Variants in LINGO2 observed in about 807,000 individuals in gnomAD.
LINGO2 encodes the protein leucine rich repeat and Ig domain containing 2, also known as leucine-rich repeat and immunoglobulin-like domain-containing nogo receptor-interacting protein 2.
LINGO2 carries 14 observed loss-of-function variants against 30.6 expected under a neutral mutation model. The observed-to-expected ratio is 0.46, with a 90% CI of 0.30 to 0.72. LINGO2 has a LOEUF of 0.72. LINGO2 is among the 30% of genes least tolerant of loss of function. The pLI is 0.07. For missense variants in LINGO2, 729 were observed against 751.7 expected, an observed-to-expected ratio of 0.97 and a Z score of 0.35; for synonymous variants, 317 against 288.5, an observed-to-expected ratio of 1.10 and a Z score of -1.00.
At chr9:28,962,411 C>T in the LINGO2 span, among the ~76,000 whole-genome samples, 1 of 152,070 alleles carries the variant, frequency 6.6e-6, no homozygotes, top group African/African-American at 2.4e-5. Flanking sequence ...ATTTTTATAT[C>T]AAACTTAGTT....
intron 4 of LINGO2, among the ~76,000 whole-genome samples, chr9:28,294,140 A>G (rs186385787): frequency 2.2e-4 from 34 of 152,362 alleles, no homozygotes; most frequent in South Asian, 4.1e-4. Flanking sequence ...TCATTAGGGA[A>G]TTGAAAGTTA....
intron 4 of LINGO2, among the ~76,000 whole-genome samples, chr9:28,198,255 A>AG (rs937184808): frequency 1.3e-5 from 2 of 151,984 alleles, no homozygotes; most frequent in Admixed American, 1.3e-4. Context: ...ATATGAAAAA[A>AG]AAAAACAAAC....
At chr9:28,763,766 AC>A in the LINGO2 span, among the ~76,000 whole-genome samples, 1 of 151,668 alleles carries the variant, frequency 6.6e-6, no homozygotes, top group Non-Finnish European at 1.5e-5. Context: ...AAACTGCCAA[AC>A]CCTTAACTAG....
At chr9:27,969,021 T>G (rs1400857738) in intron 5 of LINGO2, among the ~76,000 whole-genome samples, 2 of 151,934 alleles carry the variant, frequency 1.3e-5, no homozygotes, top group African/African-American at 4.8e-5. Flanking sequence ...ACATTAATAT[T>G]TACATTAATA....
chr9:27,981,071 T>C (rs1820830846), intron 5 of LINGO2, among the ~76,000 whole-genome samples: 1 of 151,844 alleles, frequency 6.6e-6, no homozygotes, highest in Non-Finnish European at 1.5e-5. Flanking sequence ...AGTATGTATT[T>C]GTACTCAACA....
intron 1 of LINGO2, among the ~76,000 whole-genome samples, chr9:28,539,809 C>A (rs990621691): frequency 5.3e-5 from 8 of 152,144 alleles, no homozygotes; most frequent in African/African-American, 1.9e-4. Flanking sequence ...GTCTCCTCCA[C>A]ATTCTTCAGT....
the LINGO2 span, among the ~76,000 whole-genome samples, chr9:29,205,589 A>G: frequency 6.6e-6 from 1 of 152,062 alleles, no homozygotes; most frequent in Non-Finnish European, 1.5e-5. Flanking sequence ...TCCCTCCTCT[A>G]CAGTTTCCTG....
intron 4 of LINGO2, among the ~76,000 whole-genome samples, chr9:28,092,091 G>A (rs915024975): frequency 4.0e-4 from 61 of 152,258 alleles, no homozygotes; most frequent in Admixed American, 5.9e-4. Flanking sequence ...CTTTTACACC[G>A]TTGGTGGGAC....
chr9:28,094,656 C>CT, intron 4 of LINGO2, among the ~76,000 whole-genome samples: 1 of 152,116 alleles, frequency 6.6e-6, no homozygotes, highest in African/African-American at 2.4e-5. Flanking sequence ...TGAACATAGA[C>CT]TTTTTTTCCA....
At chr9:28,997,925 C>T in the LINGO2 span, among the ~76,000 whole-genome samples, 12 of 152,164 alleles carry the variant, frequency 7.9e-5, no homozygotes, top group African/African-American at 2.7e-4. Flanking sequence ...GTGTGCTTCA[C>T]AAATGTTAAC....
At chr9:28,921,147 G>C in the LINGO2 span, among the ~76,000 whole-genome samples, 2 of 152,136 alleles carry the variant, frequency 1.3e-5, no homozygotes, top group Non-Finnish European at 2.9e-5. Context: ...ATTGGACATA[G>C]TGAGAAAAAA....
the LINGO2 span, among the ~76,000 whole-genome samples, chr9:29,037,639 A>C: frequency 6.6e-6 from 1 of 151,944 alleles, no homozygotes; most frequent in Non-Finnish European, 1.5e-5. Context: ...ATTTCAGCCA[A>C]AGTCCAAACT....
chr9:27,966,995 C>T (rs1297382345), intron 5 of LINGO2, among the ~76,000 whole-genome samples: 1 of 152,176 alleles, frequency 6.6e-6, no homozygotes, highest in Non-Finnish European at 1.5e-5. Flanking sequence ...AAACTGGACT[C>T]TTTGAAGTGT....
chr9:28,101,501 C>A (rs974583452), intron 4 of LINGO2, among the ~76,000 whole-genome samples: 4 of 152,160 alleles, frequency 2.6e-5, no homozygotes, highest in Non-Finnish European at 4.4e-5. Context: ...CAGCCTAATA[C>A]CTCACAGTGT....
intron 2 of LINGO2, among the ~76,000 whole-genome samples, chr9:28,437,876 TTTTAACA>T (rs1824017252): frequency 1.3e-5 from 2 of 152,172 alleles, no homozygotes; most frequent in Non-Finnish European, 2.9e-5. Context: ...TTCATATCAT[TTTTAACA>T]GTTTAATTTT....
the LINGO2 span, among the ~76,000 whole-genome samples, chr9:29,050,696 A>G: frequency 1.3e-5 from 2 of 152,336 alleles, no homozygotes; most frequent in African/African-American, 4.8e-5. Context: ...TACAAAAATC[A>G]TTAGCTAGTG....
At chr9:29,182,087 T>C in the LINGO2 span, among the ~76,000 whole-genome samples, 1 of 152,008 alleles carries the variant, frequency 6.6e-6, no homozygotes, top group Admixed American at 6.6e-5. Flanking sequence ...AGAAAATAAA[T>C]AGAAAGATGA....
chr9:28,663,375 T>C (rs1290504680), intron 1 of LINGO2, among the ~76,000 whole-genome samples: 1 of 152,166 alleles, frequency 6.6e-6, no homozygotes, highest in Non-Finnish European at 1.5e-5. Context: ...ATCACCATAT[T>C]GGTCATGCTG....
chr9:28,837,939 A>T, the LINGO2 span, among the ~76,000 whole-genome samples: 1 of 152,000 alleles, frequency 6.6e-6, no homozygotes, highest in Non-Finnish European at 1.5e-5. Context: ...GTCCCTTAAA[A>T]GGCAATTCAT....
Sources: allele counts gnomAD v4.1 joint callset (sites outside exome capture counted in the v4.1 genomes callset), GRCh38; gene constraint gnomAD v4.1.1; transcripts MANE v1.5; gene names NCBI Gene and HGNC (gene_info 2026-07-23, HGNC 2026-07-21).